Variants in UFD1 observed in about 807,000 individuals in gnomAD.
UFD1 encodes ubiquitin recognition factor in ER-associated degradation protein 1.
A neutral mutation model predicts 45.9 loss-of-function variants in UFD1; 13 were observed. That is an observed-to-expected ratio of 0.28 (90% confidence interval 0.18 to 0.45). The LOEUF is 0.45. Ranked by LOEUF, UFD1 falls within the 20% of genes least tolerant of loss-of-function variation. The probability of loss-of-function intolerance (pLI) is 1.00; values close to 1 mark genes in which losing one functional copy is unlikely to be tolerated. For synonymous variants in UFD1, 128 were observed against 139.2 expected (o/e 0.92, Z 0.56); for missense variants, 218 against 389.2 (o/e 0.56, Z 3.70).
chr22:19,454,963 C>T, intron 10 of UFD1, 133 bp from the exon 11 acceptor site: 2 of 1,030,624 alleles, frequency 1.9e-6, no homozygotes, highest in South Asian at 1.7e-5. Flanking sequence ...TTCCTGGCAT[C>T]CTCCCAGGAG....
chr22:19,454,732 C>T lies in UFD1; in HGVS notation c.849+17G>A, dbSNP rs1218728297. On this transcript the variant is annotated intron_variant, in intron 11 of 11. Coordinates refer to ENST00000263202, the MANE Select transcript of UFD1 (RefSeq NM_005659.7). ...CTCCTCATTACCAACCAAGGAAATA[C>T]AAGGAAATACACTCACCTCTTCAAC... 1 of 1,613,826 alleles carries T rather than the reference C, an allele frequency of 6.2e-7. No homozygotes were observed. The highest frequency in any genetic ancestry group is 1.1e-5 in the South Asian group (1 of 91,076).
intron 4 of UFD1, among the ~76,000 whole-genome samples, chr22:19,469,113 T>A (rs1286556098): frequency 6.6e-6 from 1 of 151,996 alleles, no homozygotes; most frequent in Non-Finnish European, 1.5e-5. Context: ...TAGAGGGTGG[T>A]CACTCTACCA....
intron 1 of UFD1, 199 bp downstream of exon 1, chr22:19,478,884 G>C: frequency 1.6e-6 from 1 of 634,906 alleles, no homozygotes; most frequent in Non-Finnish European, 2.6e-6. Context: ...GCCACGTTCA[G>C]GACCGGCGGA....
intron 4 of UFD1, chr22:19,470,040 C>A (rs1357133367): frequency 1.9e-6 from 1 of 517,372 alleles, no homozygotes; most frequent in African/African-American, 1.9e-5. Context: ...CCTGACACTT[C>A]AGCTACCTAG....
intron 9 of UFD1, among the ~76,000 whole-genome samples, chr22:19,455,983 G>A (rs1448431228): frequency 6.6e-6 from 1 of 152,192 alleles, no homozygotes; most frequent in Non-Finnish European, 1.5e-5. Flanking sequence ...ACTTGGCCAA[G>A]GGCAGCCAGC....
At chr22:19,454,870 GA>G (rs745909546) in intron 10 of UFD1, 40 bp from the exon 11 acceptor site, 2 of 1,588,276 alleles carry the variant, frequency 1.3e-6, no homozygotes, top group Non-Finnish European at 8.6e-7. Flanking sequence ...TTATTTCCAG[GA>G]AAAAAGGACT....
intron 6 of UFD1, among the ~76,000 whole-genome samples, chr22:19,464,237 G>T (rs534851719): frequency 2.0e-5 from 3 of 152,206 alleles, no homozygotes; most frequent in Non-Finnish European, 4.4e-5. Context: ...CAGCTGTGAC[G>T]GCCCAGTCCC....
Position 19,465,098 on chromosome 22 carries a change from A to G in UFD1, c.495+104T>C, listed in dbSNP as rs2089792770. 6 of 1,082,572 alleles carry G rather than the reference A, an allele frequency of 5.5e-6. No homozygotes were observed. The East Asian group carries it at 1.2e-4, about 21-fold the overall frequency. The allele number at this position is 1,082,572 out of a possible 1,614,324, so 67.1% of individuals were successfully genotyped here. A position where few individuals can be genotyped will look rare whatever the true frequency, so the allele number is the denominator to read the frequency against. On this transcript the variant is annotated intron_variant, in intron 6 of 11. Transcript: ENST00000263202. ...CCAAACAGTAGGCAGTAATTAGGTG[A>G]TAAGATCCAGGCATACGCTGCTTAA...
At chr22:19,465,501 G>C in intron 5 of UFD1, 3 of 497,026 alleles carry the variant, frequency 6.0e-6, no homozygotes, top group Non-Finnish European at 1.1e-5. Flanking sequence ...CCAAGCTGGG[G>C]GAAGGGGAAA....
intron 4 of UFD1, among the ~76,000 whole-genome samples, chr22:19,469,178 G>T (rs1049050802): frequency 6.6e-6 from 1 of 152,214 alleles, no homozygotes; most frequent in South Asian, 2.1e-4. Flanking sequence ...GGTAACGGGG[G>T]TCTGGCATCC....
intron 6 of UFD1, 109 bp from the exon 7 acceptor site, chr22:19,458,248 T>C: frequency 8.8e-7 from 1 of 1,140,298 alleles, no homozygotes; most frequent in East Asian, 2.4e-5. Flanking sequence ...ACAGCATTCA[T>C]GCCCATGACA....
chr22:19,456,700 A>G, intron 8 of UFD1, 66 bp from the exon 9 acceptor site: 2 of 1,610,494 alleles, frequency 1.2e-6, no homozygotes, highest in Admixed American at 3.3e-5. Flanking sequence ...TCTCACCCCC[A>G]CCCCCGGCTA....
intron 11 of UFD1, 117 bp from the exon 12 acceptor site, chr22:19,450,861 C>T: frequency 1.3e-6 from 2 of 1,561,876 alleles, no homozygotes; most frequent in Non-Finnish European, 1.7e-6. Context: ...TCAGGCTGGA[C>T]ACGATAGCTG....
chr22:19,473,143 C>G (rs1547931), intron 3 of UFD1, among the ~76,000 whole-genome samples: 133,237 of 152,178 alleles, frequency 0.88, 58,583 homozygotes, highest in African/African-American at 0.96. Flanking sequence ...CTCAGCTGCA[C>G]AGCCATGGAG....
intron 7 of UFD1, 149 bp from the exon 8 acceptor site, chr22:19,457,067 C>T (rs1316927977): frequency 2.3e-5 from 15 of 645,716 alleles, no homozygotes; most frequent in Non-Finnish European, 2.8e-5. Flanking sequence ...GTTTTCCCAA[C>T]GGTAGCATCT....
intron 1 of UFD1, among the ~76,000 whole-genome samples, chr22:19,478,427 AAGT>A: frequency 6.6e-6 from 1 of 152,198 alleles, no homozygotes; most frequent in East Asian, 1.9e-4. Context: ...GACTCGAATA[AAGT>A]ACCTCTGTAA....
At position 19,468,014 on chromosome 22, in the gene UFD1, GA is replaced by G; in HGVS notation, c.292-12del. ...TAAGTTCTGCATCATCTGAAAGGAA[GA>G]AGAGGCTACATGAGACTCCTAGAGA... On this transcript the variant is annotated splice_polypyrimidine_tract_variant and intron_variant, in intron 4 of 11. Coordinates refer to ENST00000263202, the MANE Select transcript of UFD1 (RefSeq NM_005659.7). The G allele has an allele frequency of 6.2e-7, 1 of 1,613,960 alleles. No individual in the cohort carries two copies. The highest frequency in any genetic ancestry group is 8.5e-7 in the Non-Finnish European group (1 of 1,179,904).
intron 11 of UFD1, chr22:19,450,988 G>A: frequency 8.6e-7 from 1 of 1,166,644 alleles, no homozygotes; most frequent in South Asian, 1.8e-5. Flanking sequence ...ATAGCTCAGT[G>A]TGGTATGTGC....
At chr22:19,460,090 A>T (rs1303945310) in intron 6 of UFD1, among the ~76,000 whole-genome samples, 3 of 148,370 alleles carry the variant, frequency 2.0e-5, no homozygotes, top group East Asian at 1.9e-4. Flanking sequence ...CCCACCATTT[A>T]AAAAAAAAAC....
Sources: gnomAD v4.1 joint callset for allele counts (sites outside exome capture counted in the v4.1 genomes callset) on GRCh38, gnomAD v4.1.1 for gene constraint, MANE v1.5 for transcripts, NCBI Gene and HGNC (gene_info 2026-07-23, HGNC 2026-07-21) for gene names.